The following GABRB1 variants were observed in gnomAD, a reference collection of about 807,000 sequenced individuals.
GABRB1 encodes the protein gamma-aminobutyric acid type A receptor subunit beta1.
In GABRB1, 17 loss-of-function variants were observed where a neutral mutation model predicts 51.6. The ratio of observed to expected loss-of-function variants is 0.33; its 90% CI spans 0.23 to 0.49. The LOEUF (loss-of-function observed/expected upper bound fraction) is 0.49, where lower values mean the gene tolerates loss of function less well. Ranked by LOEUF, GABRB1 falls within the 20% of genes least tolerant of loss-of-function variation. The probability of loss-of-function intolerance (pLI) is 0.99; values close to 1 mark genes in which losing one functional copy is unlikely to be tolerated. For missense variants in GABRB1, 410 were observed against 600.6 expected (o/e 0.68, Z 3.32); for synonymous variants, 247 against 218.9 (o/e 1.13, Z -1.14).
At chr4:47,267,725 G>A (rs1388600882) in intron 4 of GABRB1, among the ~76,000 whole-genome samples, 1 of 152,134 alleles carries the variant, frequency 6.6e-6, no homozygotes, top group Admixed American at 6.5e-5. Flanking sequence ...AACCCGGGAG[G>A]CGGAGGTTGC....
chr4:47,091,792 G>T (rs1728304701), intron 3 of GABRB1, among the ~76,000 whole-genome samples: 1 of 152,160 alleles, frequency 6.6e-6, no homozygotes, highest in Non-Finnish European at 1.5e-5. Flanking sequence ...CCTGGCTCCT[G>T]CAACAGCCTC....
At chr4:47,020,879 C>T (rs887859185) in intron 1 of GABRB1, among the ~76,000 whole-genome samples, 6 of 152,160 alleles carry the variant, frequency 3.9e-5, no homozygotes, top group Admixed American at 2.0e-4. Context: ...TCTGACTCAC[C>T]TCCTGTTACT....
chr4:47,036,282 A>C (rs748572643), intron 3 of GABRB1, among the ~76,000 whole-genome samples: 36 of 152,180 alleles, frequency 2.4e-4, no homozygotes, highest in Non-Finnish European at 2.6e-4. Context: ...TAGACTCTGG[A>C]AGTTTCTGGT....
At chr4:47,412,368 CTA>C (rs1408502734) in intron 8 of GABRB1, among the ~76,000 whole-genome samples, 9 of 152,074 alleles carry the variant, frequency 5.9e-5, no homozygotes, top group Admixed American at 5.9e-4. Flanking sequence ...CAGTGTTACA[CTA>C]TGTTTTATAA....
chr4:47,295,706 G>A (rs976610988), intron 4 of GABRB1, among the ~76,000 whole-genome samples: 1 of 152,140 alleles, frequency 6.6e-6, no homozygotes, highest in Non-Finnish European at 1.5e-5. Context: ...CCAGGAGAAA[G>A]TCCTCAATCT....
At chr4:47,249,994 T>C (rs561589534) in intron 4 of GABRB1, among the ~76,000 whole-genome samples, 1 of 152,220 alleles carries the variant, frequency 6.6e-6, no homozygotes, top group African/African-American at 2.4e-5. Flanking sequence ...TGTACTTTGG[T>C]ATTTTTGTTT....
At chr4:47,376,304 A>T (rs1727372244) in intron 5 of GABRB1, among the ~76,000 whole-genome samples, 1 of 152,126 alleles carries the variant, frequency 6.6e-6, no homozygotes, top group Non-Finnish European at 1.5e-5. Flanking sequence ...CAAATAAGAG[A>T]TCCTGTGAGA....
intron 4 of GABRB1, among the ~76,000 whole-genome samples, chr4:47,311,249 A>AACAACAACT: frequency 6.6e-6 from 1 of 150,486 alleles, no homozygotes; most frequent in East Asian, 2.0e-4. Flanking sequence ...CAACAACAAC[A>AACAACAACT]ACAACAACAA....
chr4:47,342,293 A>C (rs1725927542), intron 5 of GABRB1, among the ~76,000 whole-genome samples: 1 of 152,174 alleles, frequency 6.6e-6, no homozygotes. Context: ...TAATTGCTAA[A>C]TAATGGTCCA....
At chr4:47,031,164 G>A (rs931570760), upstream of GABRB1, among the ~76,000 whole-genome samples, 1 of 151,156 alleles carries the variant, frequency 6.6e-6, no homozygotes, top group South Asian at 2.1e-4. Context: ...CACAACCCCC[G>A]CTGATCACAT....
At chr4:47,088,780 A>G (rs1728178813) in intron 3 of GABRB1, among the ~76,000 whole-genome samples, 1 of 152,222 alleles carries the variant, frequency 6.6e-6, no homozygotes, top group Non-Finnish European at 1.5e-5. Flanking sequence ...TCACTCCATC[A>G]GACTGCTTGA....
intron 4 of GABRB1, among the ~76,000 whole-genome samples, chr4:47,235,775 T>C (rs1721310255): frequency 6.6e-6 from 1 of 152,058 alleles, no homozygotes; most frequent in African/African-American, 2.4e-5. Context: ...TTTTAAATTT[T>C]CTTTAATTTT....
At chr4:47,145,841 C>T (rs562887675) in intron 3 of GABRB1, among the ~76,000 whole-genome samples, 173 of 152,124 alleles carry the variant, frequency 1.1e-3, no homozygotes, top group Admixed American at 2.6e-3. Flanking sequence ...ACTCTTTAAA[C>T]TTGTGACATG....
rs1720822442 is a variant in GABRB1, at chr4:47,223,067, G to A, written c.461+61598G>A. Among the ~76,000 whole-genome samples the A allele has an allele frequency of 2.6e-5, 4 of 151,980 alleles. No individual in the cohort carries two copies. The South Asian group carries it at 8.3e-4, about 31-fold the overall frequency. ...AGCAAAGGAGGAGCAATATCCCTAA[G>A]GCAATAATACCACCTACCGGGAACA... On this transcript the variant is annotated intron_variant, in intron 4 of 8. Transcript: ENST00000295454.
At position 47,294,495 on chromosome 4, in the gene GABRB1, G is replaced by A. The variant is rs565394789; in HGVS notation, c.462-25632G>A. On this transcript the variant is annotated intron_variant, in intron 4 of 8. Coordinates refer to ENST00000295454, the MANE Select transcript of GABRB1 (RefSeq NM_000812.4). The stretch of plus-strand genomic sequence containing the variant: ...CGGAGGGTCCTACGCCCACAGTCTC[G>A]CTCATTGCTAGCACAGCAGTCTGAG... Among the ~76,000 whole-genome samples the A allele has an allele frequency of 1.5e-3, 229 of 152,306 alleles. 6 individuals are homozygous for A. In the South Asian group the frequency reaches 0.045, roughly 30 times the overall value.
intron 3 of GABRB1, among the ~76,000 whole-genome samples, chr4:47,129,955 A>G (rs1716333501): frequency 6.6e-6 from 1 of 152,206 alleles, no homozygotes; most frequent in Non-Finnish European, 1.5e-5. Context: ...TTTACTTTTC[A>G]AGTGTAAAAC....
At chr4:47,243,612 A>G (rs1721620869) in intron 4 of GABRB1, among the ~76,000 whole-genome samples, 1 of 152,106 alleles carries the variant, frequency 6.6e-6, no homozygotes, top group Non-Finnish European at 1.5e-5. Context: ...CATCCCTTGT[A>G]AGTTGGATTC....
At chr4:47,176,866 A>C (rs1718726248) in intron 4 of GABRB1, among the ~76,000 whole-genome samples, 1 of 152,100 alleles carries the variant, frequency 6.6e-6, no homozygotes, top group South Asian at 2.1e-4. Context: ...GGTAACATAT[A>C]ATCATCACAA....
At chr4:47,005,156 C>A (rs1438142208) in intron 1 of GABRB1, among the ~76,000 whole-genome samples, 1 of 152,200 alleles carries the variant, frequency 6.6e-6, no homozygotes, top group African/African-American at 2.4e-5. Flanking sequence ...CAGTGGCTCA[C>A]GCCTATAATC....
Sources: gnomAD v4.1 joint callset for allele counts (sites outside exome capture counted in the v4.1 genomes callset) on GRCh38, gnomAD v4.1.1 for gene constraint, MANE v1.5 for transcripts, NCBI Gene and HGNC (gene_info 2026-07-23, HGNC 2026-07-21) for gene names.